Variants in GRIA4 observed in about 807,000 individuals in gnomAD.
GRIA4 encodes the protein glutamate receptor 4.
Under a neutral mutation model 104.0 loss-of-function variants are expected in GRIA4, and 34 were observed. That is an observed-to-expected ratio of 0.33 (90% confidence interval 0.25 to 0.44). The LOEUF is 0.44. GRIA4 is among the 20% of genes least tolerant of loss of function. GRIA4 has a pLI of 1.00. For synonymous variants in GRIA4, 386 were observed against 381.9 expected (o/e 1.01, Z -0.13); for missense variants, 750 against 1,096.5 (o/e 0.68, Z 4.46).
intron 3 of GRIA4, among the ~76,000 whole-genome samples, chr11:105,627,446 T>C (rs368007379): frequency 6.3e-4 from 96 of 152,274 alleles, no homozygotes; most frequent in African/African-American, 2.1e-3. Flanking sequence ...TTTTAAGCAG[T>C]CTATAACATA....
intron 3 of GRIA4, among the ~76,000 whole-genome samples, chr11:105,664,485 G>T (rs191819131): frequency 1.3e-5 from 2 of 151,556 alleles, no homozygotes; most frequent in Non-Finnish European, 2.9e-5. Flanking sequence ...GCAGGAAAAT[G>T]ACATAATTTC....
At chr11:105,861,928 T>A in intron 4 of GRIA4, 96 bp from the exon 5 acceptor site, 1 of 714,248 alleles carries the variant, frequency 1.4e-6, no homozygotes. Context: ...TCAGTATATT[T>A]TGGAACATAA....
At chr11:105,897,157 T>C (rs980288541) in intron 6 of GRIA4, among the ~76,000 whole-genome samples, 1 of 152,250 alleles carries the variant, frequency 6.6e-6, no homozygotes, top group African/African-American at 2.4e-5. Context: ...GGATATTTTG[T>C]ATGTGTGTGT....
At chr11:105,775,173 T>C (rs1941394771) in intron 4 of GRIA4, among the ~76,000 whole-genome samples, 1 of 152,066 alleles carries the variant, frequency 6.6e-6, no homozygotes, top group Non-Finnish European at 1.5e-5. Context: ...CCTTCTCCTC[T>C]TGCATCCCTC....
intron 4 of GRIA4, among the ~76,000 whole-genome samples, chr11:105,800,910 G>A (rs1056507155): frequency 2.0e-5 from 3 of 151,850 alleles, no homozygotes; most frequent in African/African-American, 7.2e-5. Context: ...TATAGGATAG[G>A]TGCTTTTTAG....
At chr11:105,859,002 T>A (rs1352706198) in intron 4 of GRIA4, among the ~76,000 whole-genome samples, 1 of 152,184 alleles carries the variant, frequency 6.6e-6, no homozygotes, top group Admixed American at 6.6e-5. Flanking sequence ...TGGCCAACAA[T>A]ATTATACTAC....
In GRIA4 at chr11:105,610,890, G is replaced by GTTT; in HGVS notation, c.-90-18_-90-17insTTT. On this transcript the variant is annotated splice_polypyrimidine_tract_variant and intron_variant, in intron 1 of 16. Coordinates refer to ENST00000282499, the MANE Select transcript of GRIA4 (RefSeq NM_000829.4). ...CTTTTCTTTTTTTTTTTTTTTTTTT[G>GTTT]GTTGATTTTAATTTTAGCGCCATCG... 2 of 207,236 alleles carry GTTT rather than the reference G, an allele frequency of 9.7e-6. No individual in the cohort carries two copies. The highest frequency in any genetic ancestry group is 1.8e-4 in the South Asian group (1 of 5,540). 12.8% of individuals were successfully genotyped at this position (207,236 alleles called of 1,614,324 possible).
chr11:105,618,132 A>C (rs533249003), intron 3 of GRIA4, among the ~76,000 whole-genome samples: 1 of 152,056 alleles, frequency 6.6e-6, no homozygotes, highest in South Asian at 2.1e-4. Context: ...GTCTGGTAAT[A>C]GTATTGAATG....
chr11:105,755,749 T>C (rs946469495), intron 4 of GRIA4, among the ~76,000 whole-genome samples: 4 of 152,176 alleles, frequency 2.6e-5, no homozygotes, highest in Non-Finnish European at 2.9e-5. Flanking sequence ...AGCCAATCCA[T>C]TGAAGGCCTA....
intron 4 of GRIA4, among the ~76,000 whole-genome samples, chr11:105,755,208 T>A (rs1000407218): frequency 1.3e-5 from 2 of 152,176 alleles, no homozygotes; most frequent in Non-Finnish European, 2.9e-5. Context: ...GGTTTTAGTG[T>A]ATGCATGTCT....
chr11:105,979,142 G>A (rs147346847), intron 16 of GRIA4, among the ~76,000 whole-genome samples: 12 of 152,244 alleles, frequency 7.9e-5, no homozygotes, highest in African/African-American at 2.9e-4. Context: ...TATACATATC[G>A]TTTGTTTAGG....
chr11:105,958,839 GA>G (rs1266917999), intron 14 of GRIA4, among the ~76,000 whole-genome samples: 2 of 152,118 alleles, frequency 1.3e-5, no homozygotes, highest in Non-Finnish European at 2.9e-5. Context: ...TGCTTGTCTG[GA>G]AAGGATTATA....
At chr11:105,842,418 A>C (rs1327817478) in intron 4 of GRIA4, among the ~76,000 whole-genome samples, 1 of 152,144 alleles carries the variant, frequency 6.6e-6, no homozygotes, top group Non-Finnish European at 1.5e-5. Flanking sequence ...ACAAGAAGAG[A>C]CCTTAAGAAA....
chr11:105,742,041 T>A (rs985323608), intron 3 of GRIA4, among the ~76,000 whole-genome samples: 7 of 152,158 alleles, frequency 4.6e-5, no homozygotes, highest in Admixed American at 4.6e-4. Flanking sequence ...GTTGTGTTAT[T>A]CATTCAGTAG....
At chr11:105,930,519 A>T (rs1947841816) in intron 13 of GRIA4, among the ~76,000 whole-genome samples, 1 of 152,280 alleles carries the variant, frequency 6.6e-6, no homozygotes, top group Non-Finnish European at 1.5e-5. Flanking sequence ...CAATGTATTT[A>T]AACAAATGCA....
intron 5 of GRIA4, among the ~76,000 whole-genome samples, chr11:105,872,888 T>C (rs1183036700): frequency 6.6e-6 from 1 of 152,130 alleles, no homozygotes; most frequent in African/African-American, 2.4e-5. Flanking sequence ...TTTAATTTAC[T>C]GAGAATTTTT....
At chr11:105,732,840 T>G (rs1938684394) in intron 3 of GRIA4, among the ~76,000 whole-genome samples, 1 of 152,160 alleles carries the variant, frequency 6.6e-6, no homozygotes. Context: ...AGGTGGTGAA[T>G]TTCCTAAACA....
chr11:105,883,426 C>A (rs1367566493), intron 5 of GRIA4, among the ~76,000 whole-genome samples: 1 of 140,884 alleles, frequency 7.1e-6, no homozygotes, highest in Admixed American at 7.1e-5. Context: ...ATCCCTCCCC[C>A]CTCCCCCACC....
At chr11:105,956,995 G>C (rs1489426162) in intron 14 of GRIA4, among the ~76,000 whole-genome samples, 1 of 152,138 alleles carries the variant, frequency 6.6e-6, no homozygotes, top group Admixed American at 6.5e-5. Flanking sequence ...GTTCTTTGTA[G>C]ATTCTGGATA....
Sources: allele counts gnomAD v4.1 joint callset (sites outside exome capture counted in the v4.1 genomes callset), GRCh38; gene constraint gnomAD v4.1.1; transcripts MANE v1.5; gene names NCBI Gene and HGNC (gene_info 2026-07-23, HGNC 2026-07-21).